Variants in TNFSF13B observed in about 807,000 individuals in gnomAD.
TNFSF13B encodes the protein tumor necrosis factor ligand superfamily member 13B.
Under a neutral mutation model 29.1 loss-of-function variants are expected in TNFSF13B, and 8 were observed. The ratio of observed to expected loss-of-function variants is 0.27; its 90% CI spans 0.16 to 0.50. The LOEUF (loss-of-function observed/expected upper bound fraction) is 0.50, where lower values mean the gene tolerates loss of function less well. Ranked by LOEUF, TNFSF13B falls within the 20% of genes least tolerant of loss-of-function variation. The pLI, the probability that TNFSF13B is intolerant of heterozygous loss-of-function variation, is 0.98. For missense variants in TNFSF13B, 248 were observed against 334.9 expected, an observed-to-expected ratio of 0.74 and a Z score of 2.03; for synonymous variants, 125 against 130.8, an observed-to-expected ratio of 0.96 and a Z score of 0.30.
In TNFSF13B at chr13:108,304,284, A is replaced by C. The variant is rs140095371; in HGVS notation, c.745+680A>C. Reference sequence around the variant, plus strand: ...GTGTCAGTGGACACCAGACAGGAGAAATGCCCCTGGCCAGGTTTGAGGGTA... The same window carrying C: ...GTGTCAGTGGACACCAGACAGGAGACATGCCCCTGGCCAGGTTTGAGGGTA... On this transcript the variant is annotated intron_variant, in intron 5 of 5. Transcript: ENST00000375887. 5.3e-3 allele frequency among the ~76,000 whole-genome samples: 799 copies of C among 152,176 alleles called. 13 individuals are homozygous for C. Among genetic ancestry groups the C allele is most frequent in the African/African-American group, 0.018 (752 of 41,520 alleles).
At position 108,286,942 on chromosome 13, in the gene TNFSF13B, G is replaced by T. The variant is rs946942158; in HGVS notation, c.481+83G>T. The T allele has an allele frequency of 7.6e-5, 69 of 911,030 alleles. No homozygotes were observed. In the East Asian group the frequency reaches 2.2e-3, roughly 29 times the overall value. The allele number at this position is 911,030 out of a possible 1,614,324, so 56.4% of individuals were successfully genotyped here. ...GATTAAGAAAATGTGGCACATATAC[G>T]CTATGGAATACTATGCAGCCATAAA... On this transcript the variant is annotated intron_variant, in intron 3 of 5. Transcript: ENST00000375887.
intron 2 of TNFSF13B, among the ~76,000 whole-genome samples, chr13:108,276,573 A>G (rs919300018): frequency 6.7e-6 from 1 of 149,830 alleles, no homozygotes; most frequent in Non-Finnish European, 1.5e-5. Flanking sequence ...CATATAGTTA[A>G]TTAGCAAATT....
At chr13:108,287,669 T>C (rs1881185597) in intron 3 of TNFSF13B, among the ~76,000 whole-genome samples, 1 of 152,166 alleles carries the variant, frequency 6.6e-6, no homozygotes, top group African/African-American at 2.4e-5. Context: ...GTAAAAATCA[T>C]AGAAAGAGGA....
intron 2 of TNFSF13B, among the ~76,000 whole-genome samples, chr13:108,275,125 C>T (rs552081773): frequency 6.6e-6 from 1 of 152,084 alleles, no homozygotes. Context: ...CCAAATAGCT[C>T]ATATTAGCCA....
At chr13:108,274,433 A>G (rs1056828294) in intron 2 of TNFSF13B, among the ~76,000 whole-genome samples, 1 of 151,820 alleles carries the variant, frequency 6.6e-6, no homozygotes, top group Non-Finnish European at 1.5e-5. Context: ...ATATTCAAAT[A>G]GGACATAGTA....
chr13:108,274,637 G>A (rs1331016284), intron 2 of TNFSF13B, among the ~76,000 whole-genome samples: 2 of 152,030 alleles, frequency 1.3e-5, no homozygotes, highest in African/African-American at 4.8e-5. Flanking sequence ...TCCCAAAAAA[G>A]TTGTCTGTAA....
intron 5 of TNFSF13B, among the ~76,000 whole-genome samples, chr13:108,303,969 G>A (rs9520835): frequency 0.24 from 37,068 of 152,038 alleles, 4,936 homozygotes; most frequent in Non-Finnish European, 0.29. Flanking sequence ...AATAATATCT[G>A]ACAAGGATAG....
chr13:108,298,629 A>G (rs1555313319), intron 3 of TNFSF13B, among the ~76,000 whole-genome samples: 2 of 144,796 alleles, frequency 1.4e-5, no homozygotes, highest in Non-Finnish European at 3.1e-5. Context: ...GCTTCTCTAT[A>G]TATTCTTTAG....
At chr13:108,287,420 T>TAATCAGGTAAA (rs1343166830) in intron 3 of TNFSF13B, among the ~76,000 whole-genome samples, 14 of 152,198 alleles carry the variant, frequency 9.2e-5, no homozygotes, top group African/African-American at 3.4e-4. Flanking sequence ...TAAAAAATAA[T>TAATCAGGTAAA]AAACCTACAT....
intron 3 of TNFSF13B, among the ~76,000 whole-genome samples, chr13:108,302,107 A>C (rs1566409207): frequency 6.6e-6 from 1 of 152,156 alleles, no homozygotes; most frequent in Non-Finnish European, 1.5e-5. Flanking sequence ...ATATTCTTTA[A>C]TCTCAATTCT....
intron 3 of TNFSF13B, among the ~76,000 whole-genome samples, chr13:108,297,519 C>A (rs559143946): frequency 6.9e-6 from 1 of 145,632 alleles, no homozygotes; most frequent in East Asian, 1.9e-4. Flanking sequence ...GCCATTATTT[C>A]TCCAAATATT....
chr13:108,287,319 C>T (rs2139055011), intron 3 of TNFSF13B, among the ~76,000 whole-genome samples: 1 of 152,170 alleles, frequency 6.6e-6, no homozygotes, highest in Admixed American at 6.5e-5. Flanking sequence ...GAATTCAGTC[C>T]ACTCCAAATA....
intron 2 of TNFSF13B, among the ~76,000 whole-genome samples, chr13:108,274,046 TA>T (rs1004444944): frequency 1.3e-5 from 2 of 152,168 alleles, no homozygotes; most frequent in African/African-American, 4.8e-5. Context: ...TATGATTTTT[TA>T]AAATAACATT....
At chr13:108,274,531 A>G (rs1304614285) in intron 2 of TNFSF13B, among the ~76,000 whole-genome samples, 8 of 152,218 alleles carry the variant, frequency 5.3e-5, no homozygotes, top group Admixed American at 3.9e-4. Flanking sequence ...CTTGTTAATA[A>G]AATTAGGAAA....
chr13:108,303,109 CT>C, intron 3 of TNFSF13B, 143 bp from the exon 4 acceptor site: 1 of 674,088 alleles, frequency 1.5e-6, no homozygotes, highest in Non-Finnish European at 2.4e-6. Context: ...ACTTGTATTC[CT>C]TTTTCCTTTT....
chr13:108,273,167 T>C (rs557458183), intron 2 of TNFSF13B, among the ~76,000 whole-genome samples: 39 of 152,264 alleles, frequency 2.6e-4, no homozygotes, highest in African/African-American at 8.7e-4. Context: ...TGCATATAGG[T>C]ATATATTGCA....
chr13:108,306,736 T>A (rs1881785766), intron 5 of TNFSF13B, 90 bp from the exon 6 acceptor site: 3 of 781,646 alleles, frequency 3.8e-6, no homozygotes, highest in South Asian at 1.8e-5. Flanking sequence ...GTTAACATTT[T>A]TTTTTTACAG....
rs544624899 is a variant in TNFSF13B, at chr13:108,286,346, G to A, written c.425-457G>A. On this transcript the variant is annotated intron_variant, in intron 2 of 5. Transcript: ENST00000375887. ...GTCTGCACTTAAATCTGTTCAATACGTATTAGCATTTTTTTTTTTACTTTC... is the reference window on the plus strand; with the variant it reads ...GTCTGCACTTAAATCTGTTCAATACATATTAGCATTTTTTTTTTTACTTTC... Among the ~76,000 whole-genome samples the A allele has an allele frequency of 2.9e-3, 446 of 151,304 alleles. 6 individuals are homozygous for A. The highest frequency in any genetic ancestry group is 0.011 in the African/African-American group (431 of 40,928).
intron 2 of TNFSF13B, among the ~76,000 whole-genome samples, chr13:108,275,635 A>T (rs1880742083): frequency 6.6e-6 from 1 of 152,142 alleles, no homozygotes; most frequent in Non-Finnish European, 1.5e-5. Flanking sequence ...ACTTTAAGGT[A>T]TATTTTTCTT....
Sources: allele counts gnomAD v4.1 joint callset (sites outside exome capture counted in the v4.1 genomes callset), GRCh38; gene constraint gnomAD v4.1.1; transcripts MANE v1.5; gene names NCBI Gene and HGNC (gene_info 2026-07-23, HGNC 2026-07-21).